Variants in UVRAG observed in about 807,000 individuals in gnomAD.
UVRAG encodes the protein UV radiation resistance associated, also known as UV radiation resistance-associated gene protein.
In UVRAG, 19 loss-of-function variants were observed where a neutral mutation model predicts 78.0. The observed-to-expected ratio is 0.24, with a 90% CI of 0.17 to 0.36. The LOEUF (loss-of-function observed/expected upper bound fraction) is 0.36, where lower values mean the gene tolerates loss of function less well. Among genes scored for constraint, UVRAG ranks in the 10% least tolerant of loss-of-function variants. The pLI is 1.00. For synonymous variants in UVRAG, 323 were observed against 324.6 expected, an observed-to-expected ratio of 1.00 and a Z score of 0.05; for missense variants, 740 against 853.8, an observed-to-expected ratio of 0.87 and a Z score of 1.66.
At chr11:76,082,107 G>T (rs994670965) in intron 13 of UVRAG, among the ~76,000 whole-genome samples, 1 of 152,204 alleles carries the variant, frequency 6.6e-6, no homozygotes, top group Non-Finnish European at 1.5e-5. Context: ...CTTGTGGAAG[G>T]CTTCTGGGGC....
At chr11:75,918,226 A>G (rs1206312475) in intron 6 of UVRAG, among the ~76,000 whole-genome samples, 1 of 151,312 alleles carries the variant, frequency 6.6e-6, no homozygotes, top group Non-Finnish European at 1.5e-5. Flanking sequence ...AAAAAAAAAA[A>G]AAAATAGCCA....
At chr11:76,128,098 C>T (rs1311789989) in intron 14 of UVRAG, among the ~76,000 whole-genome samples, 1 of 152,156 alleles carries the variant, frequency 6.6e-6, no homozygotes, top group African/African-American at 2.4e-5. Context: ...CACTGGGGTC[C>T]CCAACCCTCG....
chr11:75,820,425 G>T (rs1227377055), intron 1 of UVRAG, among the ~76,000 whole-genome samples: 1 of 148,752 alleles, frequency 6.7e-6, no homozygotes, highest in South Asian at 2.1e-4. Context: ...TGCGATCTCC[G>T]CTCACCGCAA....
chr11:75,926,420 C>A (rs1948105774), intron 6 of UVRAG, among the ~76,000 whole-genome samples: 1 of 152,138 alleles, frequency 6.6e-6, no homozygotes, highest in Non-Finnish European at 1.5e-5. Flanking sequence ...ACTGATTTTT[C>A]TGTTCCCGAG....
intron 4 of UVRAG, among the ~76,000 whole-genome samples, chr11:75,883,370 A>C (rs1394743985): frequency 3.0e-4 from 41 of 138,366 alleles, no homozygotes; most frequent in African/African-American, 1.2e-3. Flanking sequence ...AACAGAGAAC[A>C]AAAAAAAAAA....
rs111285437 is a variant in UVRAG at position 76,123,543 on chromosome 11, A to G, written c.1397+7528A>G. Among the ~76,000 whole-genome samples the G allele has an allele frequency of 1.8e-3, 277 of 152,286 alleles. 5 individuals are homozygous for G. The highest frequency in any genetic ancestry group is 6.3e-3 in the African/African-American group (261 of 41,554). On this transcript the variant is annotated intron_variant, in intron 14 of 14. Coordinates refer to ENST00000356136, the MANE Select transcript of UVRAG (RefSeq NM_003369.4). ...AAGAAAAAGGAAGAATAAGAATAAG[A>G]TGAAAGCAAGATTTCAAAGCCATCT...
chr11:76,036,415 T>C (rs1950535516), intron 12 of UVRAG, among the ~76,000 whole-genome samples: 1 of 151,814 alleles, frequency 6.6e-6, no homozygotes. Flanking sequence ...CCAAGTGTGA[T>C]GGCACCCAGC....
chr11:76,008,350 TAGAA>T (rs975503801), intron 10 of UVRAG, among the ~76,000 whole-genome samples: 86 of 152,314 alleles, frequency 5.6e-4, no homozygotes, highest in African/African-American at 2.0e-3. Context: ...CCTAGTTTCT[TAGAA>T]TGAATGAAAA....
chr11:75,852,838 C>T (rs899675873), intron 2 of UVRAG, among the ~76,000 whole-genome samples: 8 of 151,898 alleles, frequency 5.3e-5, no homozygotes, highest in Admixed American at 1.3e-4. Flanking sequence ...AAGGTGACAT[C>T]ATTTTAACAA....
At chr11:75,915,548 A>G (rs1378492285) in intron 6 of UVRAG, among the ~76,000 whole-genome samples, 1 of 152,180 alleles carries the variant, frequency 6.6e-6, no homozygotes, top group African/African-American at 2.4e-5. Flanking sequence ...TGCTCACCAC[A>G]AGGTGTCAAT....
chr11:75,883,369 C>CAAAAAAAAAAAAA (rs561377655), intron 4 of UVRAG, among the ~76,000 whole-genome samples: 2 of 48,192 alleles, frequency 4.2e-5, no homozygotes, highest in Non-Finnish European at 1.1e-4. Flanking sequence ...TAACAGAGAA[C>CAAAAAAAAAAAAA]AAAAAAAAAA....
intron 1 of UVRAG, among the ~76,000 whole-genome samples, chr11:75,817,572 G>A (rs1945286287): frequency 1.3e-5 from 2 of 152,150 alleles, no homozygotes; most frequent in East Asian, 3.9e-4. Flanking sequence ...TTTTACTTTT[G>A]CAGTTGACAT....
intron 6 of UVRAG, among the ~76,000 whole-genome samples, chr11:75,927,654 G>A (rs1948140007): frequency 6.6e-6 from 1 of 152,268 alleles, no homozygotes; most frequent in African/African-American, 2.4e-5. Context: ...GATGATCAGG[G>A]AAGACCTCAC....
At chr11:75,838,543 G>T (rs1417844766) in intron 1 of UVRAG, among the ~76,000 whole-genome samples, 1 of 151,874 alleles carries the variant, frequency 6.6e-6, no homozygotes, top group Non-Finnish European at 1.5e-5. Flanking sequence ...TCTATATATA[G>T]AGTCTTCCTA....
chr11:76,019,881 G>A (rs536244826), intron 12 of UVRAG, among the ~76,000 whole-genome samples: 31 of 152,224 alleles, frequency 2.0e-4, no homozygotes, highest in Non-Finnish European at 2.6e-4. Context: ...ATTAGCAGGT[G>A]GTGAAGCCAG....
At chr11:76,007,049 G>A (rs1435410455) in intron 9 of UVRAG, among the ~76,000 whole-genome samples, 1 of 151,902 alleles carries the variant, frequency 6.6e-6, no homozygotes, top group Non-Finnish European at 1.5e-5. Context: ...GTCTTGCTCT[G>A]GTGCCTAGGC....
intron 14 of UVRAG, among the ~76,000 whole-genome samples, chr11:76,116,582 G>A (rs1036909720): frequency 6.6e-6 from 1 of 152,210 alleles, no homozygotes; most frequent in Non-Finnish European, 1.5e-5. Context: ...GAAAAGAGAA[G>A]GAGAGAGGGG....
chr11:75,921,460 A>G lies in UVRAG; in HGVS notation c.593+9421A>G, dbSNP rs544884837. Among the ~76,000 whole-genome samples, 9 of 152,324 alleles carry G rather than the reference A, an allele frequency of 5.9e-5. No homozygotes were observed. In the East Asian group the frequency reaches 1.7e-3, roughly 29 times the overall value. ...ATTTTTCTCATAAGTTCCTAAGAGT[A>G]CTTGGTATTTTTTTCCCAAATCTGA... is the stretch of plus-strand genomic sequence containing the variant. On this transcript the variant is annotated intron_variant, in intron 6 of 14. Transcript: ENST00000356136.
chr11:75,926,175 T>C (rs1327199750), intron 6 of UVRAG, among the ~76,000 whole-genome samples: 1 of 152,180 alleles, frequency 6.6e-6, no homozygotes, highest in Non-Finnish European at 1.5e-5. Flanking sequence ...CTCCTCACCT[T>C]GTGCCTCCCC....
Sources: gnomAD v4.1 joint callset for allele counts (sites outside exome capture counted in the v4.1 genomes callset) on GRCh38, gnomAD v4.1.1 for gene constraint, MANE v1.5 for transcripts, NCBI Gene and HGNC (gene_info 2026-07-23, HGNC 2026-07-21) for gene names.